KLK15: variants seen among roughly 807,000 people sequenced by gnomAD.
KLK15 encodes kallikrein-15.
A neutral mutation model predicts 21.1 loss-of-function variants in KLK15; 19 were observed. The ratio of observed to expected loss-of-function variants is 0.90; its 90% CI spans 0.63 to 1.32. KLK15 has a LOEUF of 1.32. KLK15 is among the 40% of genes most tolerant of loss of function. The pLI is 0.00. For synonymous variants in KLK15, 141 were observed against 141.5 expected (o/e 1.00, Z 0.03); for missense variants, 345 against 348.6 (o/e 0.99, Z 0.08).
chr19:50,829,616 G>A (rs1007810864), intron 1 of KLK15, among the ~76,000 whole-genome samples: 2 of 151,646 alleles, frequency 1.3e-5, no homozygotes, highest in African/African-American at 4.8e-5. Flanking sequence ...GGCCAACATC[G>A]TGAAATCCCG....
chr19:50,830,354 C>T (rs2089961355), intron 1 of KLK15, among the ~76,000 whole-genome samples: 1 of 151,824 alleles, frequency 6.6e-6, no homozygotes, highest in African/African-American at 2.4e-5. Flanking sequence ...CACACTCTCC[C>T]CATCACAGTC....
chr19:50,831,409 C>T, intron 1 of KLK15, 41 bp downstream of exon 2: 2 of 1,369,978 alleles, frequency 1.5e-6, no homozygotes, highest in Non-Finnish European at 1.9e-6. Context: ...GAAGGGGGCA[C>T]CTGCTCCCAC....
downstream of KLK15, chr19:50,825,723 A>G: frequency 6.7e-7 from 1 of 1,492,520 alleles, no homozygotes; most frequent in South Asian, 1.3e-5. Flanking sequence ...GTTCTGTTCC[A>G]TGTCAGGCGG....
At position 50,827,927 on chromosome 19, in the gene KLK15, C is replaced by T. The variant is rs1379781806; in HGVS notation, c.44-112G>A. 5 of 961,452 alleles carry T rather than the reference C, an allele frequency of 5.2e-6. No individual in the cohort carries two copies. The Admixed American group carries it at 1.3e-4, about 25-fold the overall frequency. 59.6% of individuals were successfully genotyped at this position (961,452 alleles called of 1,614,324 possible). ...TGCCTATGCCTTTCCCCTAACTTCTCAAGACACCCTGCCCTGTTTTTGTTT... is the reference window on the plus strand; with the variant it reads ...TGCCTATGCCTTTCCCCTAACTTCTTAAGACACCCTGCCCTGTTTTTGTTT... On this transcript the variant is annotated intron_variant, in intron 1 of 4. Coordinates refer to ENST00000598239, the Ensembl canonical transcript of KLK15.
chr19:50,829,637 A>AAATAAAT (rs1568485711), intron 1 of KLK15, among the ~76,000 whole-genome samples: 1 of 151,670 alleles, frequency 6.6e-6, no homozygotes, highest in African/African-American at 2.4e-5. Flanking sequence ...TCTCTACTAA[A>AAATAAAT]AAATAAATAA....
At chr19:50,831,843 ACT>A (rs530478962), upstream of KLK15, among the ~76,000 whole-genome samples, 60 of 146,434 alleles carry the variant, frequency 4.1e-4, no homozygotes, top group African/African-American at 1.5e-3. Flanking sequence ...ACGGAGTCTC[ACT>A]CTGTCACCCA....
chr19:50,827,667 T>C, exon 2 of KLK15: 3 of 1,610,746 alleles, frequency 1.9e-6, no homozygotes, highest in Non-Finnish European at 2.5e-6. Context: ...CATACCGGCT[T>C]TGGCAGTGGG....
At chr19:50,826,949 G>T (rs755867706) in exon 3 of KLK15, 1 of 1,602,872 alleles carries the variant, frequency 6.2e-7, no homozygotes, top group East Asian at 2.2e-5. Flanking sequence ...CACCACACAG[G>T]CCTCCCCCGG....
chr19:50,829,453 T>C lies in KLK15; in HGVS notation c.44-1638A>G, dbSNP rs1333529665. Among the ~76,000 whole-genome samples, 3 of 151,710 alleles carry C rather than the reference T, an allele frequency of 2.0e-5. No individual in the cohort carries two copies. In the East Asian group the frequency reaches 5.8e-4, roughly 29 times the overall value. ...TGAAAGTTCAGGTCCATCCTGGAGA[T>C]GGCCAACATAAGTCAGACATCTGCA... On this transcript the variant is annotated intron_variant, in intron 1 of 4. Coordinates refer to ENST00000598239, the Ensembl canonical transcript of KLK15.
At chr19:50,829,553 G>T (rs2089945741) in intron 1 of KLK15, among the ~76,000 whole-genome samples, 1 of 151,674 alleles carries the variant, frequency 6.6e-6, no homozygotes, top group Admixed American at 6.6e-5. Flanking sequence ...CACTTTGGGA[G>T]GCCAAGGCCG....
At chr19:50,827,077 T>C (rs2089895758) in exon 3 of KLK15, 3 of 1,606,406 alleles carry the variant, frequency 1.9e-6, no homozygotes, top group Non-Finnish European at 2.5e-6. Flanking sequence ...AGCGCGGGTG[T>C]GGAATGACCC....
chr19:50,826,487 C>T, intron 4 of KLK15, 134 bp downstream of exon 5: 1 of 1,107,278 alleles, frequency 9.0e-7, no homozygotes, highest in Non-Finnish European at 1.3e-6. Context: ...ATTCTAACTT[C>T]TCTTCCTACT....
chr19:50,832,324 T>TTC (rs1555766978), upstream of KLK15, among the ~76,000 whole-genome samples: 123 of 103,794 alleles, frequency 1.2e-3, no homozygotes, highest in African/African-American at 3.8e-3. Context: ...TTTTTTTTCT[T>TTC]TTTTTTTTTT....
intron 1 of KLK15, among the ~76,000 whole-genome samples, chr19:50,829,982 A>G (rs266115): frequency 0.14 from 21,818 of 151,568 alleles, 2,162 homozygotes; most frequent in African/African-American, 0.2. Flanking sequence ...TTCAAGGTCA[A>G]AGACATGCAG....
rs1302377294 is a variant in KLK15, at chr19:50,827,171, C to T, written c.198-10G>A. ...GCGCACTCTCATGAAGCTGTGCGGG[C>T]GAGTGGTTTTCCCGCCAGTGGAGTG... On this transcript the variant is annotated splice_polypyrimidine_tract_variant and intron_variant, in intron 2 of 4. Transcript: ENST00000598239. 1 of 1,560,278 alleles carries T rather than the reference C, an allele frequency of 6.4e-7. No individual in the cohort carries two copies. The highest frequency in any genetic ancestry group is 8.6e-7 in the Non-Finnish European group (1 of 1,157,370).
At chr19:50,827,640 C>G in intron 2 of KLK15, 22 bp downstream of exon 3, 1 of 1,607,106 alleles carries the variant, frequency 6.2e-7, no homozygotes, top group Non-Finnish European at 8.5e-7. Flanking sequence ...TCCCTCAGGA[C>G]CCTGAGCCCC....
intron 1 of KLK15, among the ~76,000 whole-genome samples, chr19:50,829,404 G>C (rs574607059): frequency 1.4e-4 from 22 of 151,842 alleles, no homozygotes; most frequent in African/African-American, 5.3e-4. Flanking sequence ...ATGACACCTG[G>C]ATTTAGTCAC....
chr19:50,826,828 G>A, intron 3 of KLK15, 50 bp downstream of exon 4: 9 of 1,565,764 alleles, frequency 5.7e-6, no homozygotes, highest in Non-Finnish European at 7.8e-6. Flanking sequence ...AAGAGCCCTG[G>A]AGCATAGGAT....
At chr19:50,826,651 G>A (rs2089883947) in exon 4 of KLK15, 2 of 1,610,518 alleles carry the variant, frequency 1.2e-6, no homozygotes, top group Non-Finnish European at 1.7e-6. Context: ...TGCCCTCCGC[G>A]CCTGCACACA....
Sources: gnomAD v4.1 joint callset for allele counts (sites outside exome capture counted in the v4.1 genomes callset) on GRCh38, gnomAD v4.1.1 for gene constraint, MANE v1.5 for transcripts, NCBI Gene and HGNC (gene_info 2026-07-23, HGNC 2026-07-21) for gene names.